The following PFKFB4 variants were observed in gnomAD, a reference collection of about 807,000 sequenced individuals.
PFKFB4 encodes the protein 6-phosphofructo-2-kinase/fructose-2,6-bisphosphatase 4.
In PFKFB4, 42 loss-of-function variants were observed where a neutral mutation model predicts 62.8. That is an observed-to-expected ratio of 0.67 (90% CI 0.52 to 0.86). The LOEUF (loss-of-function observed/expected upper bound fraction) is 0.86. Ranked by LOEUF, PFKFB4 falls within the 40% of genes least tolerant of loss-of-function variation. The pLI is 0.00. For missense variants in PFKFB4, 475 were observed against 627.2 expected (o/e 0.76, Z 2.59); for synonymous variants, 204 against 240.7 (o/e 0.85, Z 1.41).
intron 9 of PFKFB4, among the ~76,000 whole-genome samples, chr3:48,533,348 T>C (rs2042488442): frequency 6.6e-6 from 1 of 152,126 alleles, no homozygotes; most frequent in African/African-American, 2.4e-5. Flanking sequence ...AAAACAGCTA[T>C]GATGGTAAAT....
At position 48,542,922 on chromosome 3, in the gene PFKFB4, C is replaced by T. The variant is rs1313447561; in HGVS notation, c.378+658G>A. On this transcript the variant is annotated intron_variant, in intron 4 of 13. Coordinates refer to ENST00000232375, the MANE Select transcript of PFKFB4 (RefSeq NM_004567.4). ...TACTGGAGGATGTGCTTCAATGAAA[C>T]AAATCAGTAAGTCAAAGAGAGGATG... Among the ~76,000 whole-genome samples the T allele has an allele frequency of 2.0e-5, 3 of 152,166 alleles. No homozygotes were observed. In the East Asian group the frequency reaches 5.8e-4, roughly 29 times the overall value.
At chr3:48,546,377 G>A (rs2042965810) in intron 3 of PFKFB4, among the ~76,000 whole-genome samples, 2 of 147,770 alleles carry the variant, frequency 1.4e-5, no homozygotes, top group Non-Finnish European at 2.9e-5. Flanking sequence ...TGGTGTGTGT[G>A]TATACATGTC....
Position 48,518,418 on chromosome 3 carries a change from G to T in PFKFB4, c.*1329C>A, listed in dbSNP as rs1338869290. On this transcript the variant is annotated 3_prime_UTR_variant, in exon 14 of 14. Coordinates refer to ENST00000232375, the MANE Select transcript of PFKFB4 (RefSeq NM_004567.4). ...AAAGGACTTGGGATCCAGGGGCCTG[G>T]CTTCCCCAGAGTCCACCTGTGGACA... is the stretch of plus-strand genomic sequence containing the variant. The T allele has an allele frequency of 6.6e-6, 1 of 152,336 alleles. No homozygotes were observed. The highest frequency in any genetic ancestry group is 1.5e-5 in the Non-Finnish European group (1 of 68,100). 9.4% of individuals were successfully genotyped at this position (152,336 alleles called of 1,614,324 possible). A position where few individuals can be genotyped will look rare whatever the true frequency, so the allele number is the denominator to read the frequency against.
chr3:48,554,958 G>A (rs897331075), intron 1 of PFKFB4, among the ~76,000 whole-genome samples: 5 of 151,460 alleles, frequency 3.3e-5, no homozygotes, highest in Admixed American at 6.6e-5. Flanking sequence ...GCTGAGGCAG[G>A]AGAATTGCTT....
chr3:48,529,359 C>T (rs2042362479), intron 9 of PFKFB4, among the ~76,000 whole-genome samples: 1 of 152,072 alleles, frequency 6.6e-6, no homozygotes, highest in Non-Finnish European at 1.5e-5. Context: ...GGCTGTTTAT[C>T]AGAAGATAAA....
intron 13 of PFKFB4, 52 bp from the exon 14 acceptor site, chr3:48,519,858 G>A (rs762808782): frequency 2.1e-6 from 3 of 1,405,882 alleles, no homozygotes; most frequent in Non-Finnish European, 2.0e-6. Context: ...TAGATGAGAT[G>A]CCTGCTGTCT....
Position 48,523,713 on chromosome 3 carries a change from C to A in PFKFB4, c.1210G>T (p.Asp404Tyr). The change falls in exon 11 of 14, where the codon GAC becomes TAC. Residue 404 changes from aspartate to tyrosine, a missense_variant. By Grantham distance (160) the Asp-to-Tyr change is radical (BLOSUM62 -3). Coordinates refer to ENST00000232375, the MANE Select transcript of PFKFB4 (RefSeq NM_004567.4). ...VMRCLLAYFL[D>Y]KAAEQLPYLK... ...GCACAGCCCACACCTGCTGCCTTGT[C>A]GAGGAAGTAGGCCAGCAGGCAGCGC... 1 of 1,614,122 alleles carries A rather than the reference C, an allele frequency of 6.2e-7. No individual in the cohort carries two copies. The highest frequency in any genetic ancestry group is 8.5e-7 in the Non-Finnish European group (1 of 1,179,996).
At chr3:48,531,744 G>C (rs2042435032) in intron 9 of PFKFB4, among the ~76,000 whole-genome samples, 1 of 152,038 alleles carries the variant, frequency 6.6e-6, no homozygotes, top group African/African-American at 2.4e-5. Flanking sequence ...AGTGAGCCAT[G>C]ATGGTGCCAT....
chr3:48,545,658 G>A (rs1383560961), intron 3 of PFKFB4, among the ~76,000 whole-genome samples: 2 of 151,348 alleles, frequency 1.3e-5, no homozygotes, highest in Non-Finnish European at 2.9e-5. Flanking sequence ...TAAGAGACAG[G>A]GTCTCACTAT....
At chr3:48,551,214 C>CTTTTTT (rs773561800) in intron 1 of PFKFB4, among the ~76,000 whole-genome samples, 1 of 135,082 alleles carries the variant, frequency 7.4e-6, no homozygotes, top group Non-Finnish European at 1.6e-5. Flanking sequence ...GCTCACTTTT[C>CTTTTTT]TTTTTTTTTT....
Position 48,521,613 on chromosome 3 carries a change from C to G in PFKFB4, c.1350+373G>C, listed in dbSNP as rs555582269. ...CCACCTGCCCTCAGAAGGCCAGAAG[C>G]CTCATTCTTAGCCTCCAGCCTCATT... On this transcript the variant is annotated intron_variant, in intron 13 of 13. Transcript: ENST00000232375. The surrounding 1 kb of genome is among the most constrained non-coding windows in gnomAD (Gnocchi z 5.3). Among the ~76,000 whole-genome samples the G allele has an allele frequency of 6.6e-6, 1 of 152,308 alleles. No individual in the cohort carries two copies. Among genetic ancestry groups the G allele is most frequent in the African/African-American group, 2.4e-5 (1 of 41,584 alleles).
chr3:48,533,458 C>T (rs1283426042), intron 9 of PFKFB4, among the ~76,000 whole-genome samples: 1 of 152,112 alleles, frequency 6.6e-6, no homozygotes, highest in African/African-American at 2.4e-5. Context: ...ACAGAAAAAG[C>T]TTTTCATATT....
upstream of PFKFB4, chr3:48,562,788 A>C (rs764717156): frequency 2.6e-6 from 4 of 1,546,452 alleles, no homozygotes; most frequent in South Asian, 1.2e-5. The surrounding 1 kb of genome is among the most constrained non-coding windows in gnomAD (Gnocchi z 4.3). Context: ...TCTCAGGCTC[A>C]GCAGTGGCCG....
upstream of PFKFB4, chr3:48,561,200 G>C: frequency 1.5e-6 from 1 of 683,462 alleles, no homozygotes; most frequent in Non-Finnish European, 2.1e-6. The surrounding 1 kb of genome is among the most constrained non-coding windows in gnomAD (Gnocchi z 5.2). Context: ...AGAGAGAAGC[G>C]ACTCCTGCGG....
At chr3:48,562,918 G>A, upstream of PFKFB4, 1 of 1,605,518 alleles carries the variant, frequency 6.2e-7, no homozygotes, top group Non-Finnish European at 8.5e-7. The surrounding 1 kb of genome is among the most constrained non-coding windows in gnomAD (Gnocchi z 4.3). Flanking sequence ...CAATGCGCGA[G>A]CCAGGGTGGC....
At chr3:48,522,418 G>A (rs780308878) in intron 12 of PFKFB4, among the ~76,000 whole-genome samples, 3 of 152,200 alleles carry the variant, frequency 2.0e-5, no homozygotes, top group Admixed American at 2.0e-4. Context: ...AGTCAACCGT[G>A]TGCCAGGTGC....
upstream of PFKFB4, chr3:48,559,415 G>A (rs963548271): frequency 6.9e-5 from 29 of 419,846 alleles, no homozygotes; most frequent in Admixed American, 6.5e-4. Flanking sequence ...ATCACAAAGC[G>A]AGTCCACAGT....
rs755506327 is a variant in PFKFB4, at chr3:48,538,501, T to C, written c.629A>G (p.Asp210Gly). Residue 210 changes from aspartate to glycine, a missense_variant, in exon 7 of 14, where the codon GAT becomes GGT. Physicochemically the swap from Asp to Gly is moderately conservative, Grantham distance 94. Transcript: ENST00000232375. The part of the protein sequence containing the change: ...NSYESLDEDL[D>G]RDLSYIKIMD... ...GCCTGGCGCTGCCCTGACTCACCTA[T>C]CCAGGTCCTCATCTAGCGACTCGTA... The C allele has an allele frequency of 6.2e-7, 1 of 1,613,984 alleles. No individual in the cohort carries two copies. Among genetic ancestry groups the C allele is most frequent in the East Asian group, 2.2e-5 (1 of 44,876 alleles).
At chr3:48,530,399 C>T (rs2042394184) in intron 9 of PFKFB4, among the ~76,000 whole-genome samples, 1 of 152,260 alleles carries the variant, frequency 6.6e-6, no homozygotes, top group South Asian at 2.1e-4. Context: ...AAATTATTTT[C>T]CTGTGACAGT....
Sources: allele counts gnomAD v4.1 joint callset (sites outside exome capture counted in the v4.1 genomes callset), GRCh38; gene constraint gnomAD v4.1.1; non-coding constraint Gnocchi (gnomAD v3.1); transcripts MANE v1.5; gene names NCBI Gene and HGNC (gene_info 2026-07-23, HGNC 2026-07-21).